Variants in ADAM8 observed in about 807,000 individuals in gnomAD.
The protein encoded by ADAM8 is disintegrin and metalloproteinase domain-containing protein 8.
ADAM8 carries 104 observed loss-of-function variants against 102.4 expected under a neutral mutation model. The ratio of observed to expected loss-of-function variants is 1.02; its 90% CI spans 0.87 to 1.20. ADAM8 has a LOEUF of 1.20. Ranked by LOEUF, ADAM8 falls within the 50% of genes most tolerant of loss-of-function variation. The pLI is 0.00. For missense variants in ADAM8, 1,132 were observed against 1,159.0 expected, an observed-to-expected ratio of 0.98 and a Z score of 0.34; for synonymous variants, 517 against 485.2, an observed-to-expected ratio of 1.07 and a Z score of -0.86.
intron 1 of ADAM8, chr10:133,275,909 C>A (rs1846733166): frequency 3.4e-6 from 1 of 295,852 alleles, no homozygotes; most frequent in Non-Finnish European, 6.3e-6. Flanking sequence ...CAAGGATGAA[C>A]CTTCCCCCCA....
chr10:133,272,195 G>A lies in ADAM8; in HGVS notation c.955C>T (p.Gln319Ter). 1 of 1,549,970 alleles carries A rather than the reference G, an allele frequency of 6.5e-7. No individual in the cohort carries two copies. The highest frequency in any genetic ancestry group is 8.7e-7 in the Non-Finnish European group (1 of 1,146,768). ...AACCCGGGCAGGAGCCCCCTCACCT[G>A]GTTCACAGCCCCTGAGCTGTGGGAG... The part of the protein sequence containing the change: ...MCSHSSGAVN[Q>*]DHSKNPVGVA... The change falls in exon 10 of 23, where the codon CAG (glutamine) becomes TAG (stop). Residue 319 changes from glutamine to a stop codon, truncating the protein, a stop_gained and splice_region_variant. Transcript: ENST00000445355. LOFTEE classifies it high-confidence loss of function.
chr10:133,267,334 C>G lies in ADAM8; in HGVS notation c.2319+18G>C. 3 of 1,602,354 alleles carry G rather than the reference C, an allele frequency of 1.9e-6. No homozygotes were observed. The highest frequency in any genetic ancestry group is 2.6e-6 in the Non-Finnish European group (3 of 1,175,856). Reference sequence around the variant, plus strand: ...GGACACCCTCAGAAGGCTTGGCCGCCCAATCACCACTGCTCACCTGCTTTG... The same window carrying G: ...GGACACCCTCAGAAGGCTTGGCCGCGCAATCACCACTGCTCACCTGCTTTG... On this transcript the variant is annotated intron_variant, in intron 21 of 22. Transcript: ENST00000445355.
chr10:133,272,531 T>C lies in ADAM8; in HGVS notation c.760A>G (p.Ser254Gly). The change falls in exon 9 of 23, where the codon AGT (serine) becomes GGT (glycine). Residue 254 changes from serine to glycine, a missense_variant. Transcript: ENST00000445355. ...VVLVGLEIWN[S>G]QDRFHVSPDP... is the part of the protein sequence containing the mutation. The stretch of plus-strand genomic sequence containing the variant: ...GGGCTGACGTGGAACCTGTCCTGAC[T>C]ATTCCAAATCTCCAGGCCCACCAGG... 1.2e-6 allele frequency: 2 copies of C among 1,612,156 alleles called. No homozygotes were observed. The highest frequency in any genetic ancestry group is 1.7e-6 in the Non-Finnish European group (2 of 1,179,798).
intron 2 of ADAM8, among the ~76,000 whole-genome samples, chr10:133,275,141 A>G (rs1385758243): frequency 6.6e-6 from 1 of 151,918 alleles, no homozygotes; most frequent in African/African-American, 2.4e-5. Flanking sequence ...CCCCCCCCCA[A>G]CACAGGAAGG....
At position 133,270,883 on chromosome 10, in the gene ADAM8, G is replaced by C; in HGVS notation, c.1562C>G (p.Pro521Arg). Residue 521 changes from proline to arginine, a missense_variant and splice_region_variant, in exon 14 of 23, where the codon CCA becomes CGA. Pro to Arg is a moderately radical substitution (Grantham distance 103). Coordinates refer to ENST00000445355, the MANE Select transcript of ADAM8 (RefSeq NM_001109.5). ...GGCCAGCTCTGTGCCCACTTCACCT[G>C]GCCCCCAGAAGGCCTGGCACTGCTG... ...LAQQCQAFWG[P>R]GGQAAEESCF... 1 of 1,610,544 alleles carries C rather than the reference G, an allele frequency of 6.2e-7. No homozygotes were observed. The highest frequency in any genetic ancestry group is 8.5e-7 in the Non-Finnish European group (1 of 1,178,260).
intron 6 of ADAM8, 84 bp from the exon 7 acceptor site, chr10:133,273,103 GC>G: frequency 1.2e-6 from 2 of 1,604,358 alleles, no homozygotes; most frequent in Non-Finnish European, 1.7e-6. Flanking sequence ...CCACTGTCCA[GC>G]CCCTGTCCAG....
Position 133,272,278 on chromosome 10 carries a change from G to T in ADAM8, c.876-4C>A. ...AGTCCCGGTGAAGTCGACACCCCTG[G>T]AAGTGGGAGTGACACAGATGCCCTG... On this transcript the variant is annotated splice_region_variant and splice_polypyrimidine_tract_variant and intron_variant, in intron 9 of 22. Transcript: ENST00000445355. 1 of 1,527,586 alleles carries T rather than the reference G, an allele frequency of 6.5e-7. No individual in the cohort carries two copies. Among genetic ancestry groups the T allele is most frequent in the Non-Finnish European group, 8.8e-7 (1 of 1,131,860 alleles). The allele number at this position is 1,527,586 out of a possible 1,614,324, so 94.6% of individuals were successfully genotyped here.
rs1352310151 is a variant in ADAM8 at position 133,269,985 on chromosome 10, G to T, written c.1786-11C>A. ...TCCTTTCCAGCAAACCTGGGGGTAG[G>T]AGGCGTCTCTCAGGCAGCCGCTCTG... On this transcript the variant is annotated splice_polypyrimidine_tract_variant and intron_variant, in intron 16 of 22. Transcript: ENST00000445355. 1 of 1,612,340 alleles carries T rather than the reference G, an allele frequency of 6.2e-7. No homozygotes were observed. The highest frequency in any genetic ancestry group is 8.5e-7 in the Non-Finnish European group (1 of 1,179,890).
At position 133,270,872 on chromosome 10, in the gene ADAM8, C is replaced by T. The variant is rs751407554; in HGVS notation, c.1564+9G>A. 6 of 1,610,186 alleles carry T rather than the reference C, an allele frequency of 3.7e-6. No individual in the cohort carries two copies. The highest frequency in any genetic ancestry group is 5.1e-6 in the Non-Finnish European group (6 of 1,178,110). ...CCACCCTGCCAGGCCAGCTCTGTGC[C>T]CACTTCACCTGGCCCCCAGAAGGCC... On this transcript the variant is annotated intron_variant, in intron 14 of 22. Transcript: ENST00000445355.
rs151131324 is a variant in ADAM8, at chr10:133,269,959, G to A, written c.1801C>T (p.Arg601Cys). 2.5e-4 allele frequency: 404 copies of A among 1,612,668 alleles called. No individual in the cohort carries two copies. The highest frequency in any genetic ancestry group is 2.9e-4 in the Non-Finnish European group (342 of 1,179,946). Residue 601 changes from arginine (R) to cysteine (C), a missense_variant, in exon 17 of 23, where the codon CGT (arginine) becomes TGT (cysteine). By Grantham distance (180) the Arg-to-Cys change is radical. Transcript: ENST00000445355. ...CTGTAAACGTGTAAGTCCTGGCAAC[G>A]TCCTTTCCAGCAAACCTGGGGGTAG... ...CGPEKVCWKG[R>C]CQDLHVYRSS...
intron 16 of ADAM8, among the ~76,000 whole-genome samples, 191 bp from the exon 17 acceptor site, chr10:133,270,165 C>T (rs2995312): frequency 0.89 from 135,282 of 152,284 alleles, 60,162 homozygotes; most frequent in East Asian, 0.94. Flanking sequence ...TGGCCGCCGG[C>T]GACGGCCATC....
Position 133,272,461 on chromosome 10 carries a change from C to G in ADAM8, c.830G>C (p.Arg277Pro). Reference protein sequence around the residue: ...TLENLLTWQARQRTRRHLHDN... With the variant: ...TLENLLTWQAPQRTRRHLHDN... ...ATGCAGGTGCCGCCGTGTCCGTTGC[C>G]GTGCCTGCCAGGTCAGGAGGTTCTC... The change falls in exon 9 of 23, where the codon CGG becomes CCG. Residue 277 changes from arginine (R) to proline (P), a missense_variant. Transcript: ENST00000445355. The G allele has an allele frequency of 6.2e-7, 1 of 1,611,452 alleles. No homozygotes were observed. The highest frequency in any genetic ancestry group is 1.1e-5 in the South Asian group (1 of 91,044).
rs765338398 is a variant in ADAM8 at position 133,275,581 on chromosome 10, G to A, written c.53C>T (p.Ala18Val). The change falls in exon 2 of 23, where the codon GCC becomes GTC. Residue 18 changes from alanine to valine, a missense_variant. Transcript: ENST00000445355. ...CATGAGGGCCCAGGGCCGGCTGGGGGCAATCGCTGCAGGAGGGAGGGTCAG... is the reference window on the plus strand; with the variant it reads ...CATGAGGGCCCAGGGCCGGCTGGGGACAATCGCTGCAGGAGGGAGGGTCAG... ...LLGAMMLPAI[A>V]PSRPWALMEQ... 19 of 1,488,406 alleles carry A rather than the reference G, an allele frequency of 1.3e-5. No individual in the cohort carries two copies. The highest frequency in any genetic ancestry group is 5.3e-5 in the Admixed American group (2 of 37,960). The allele number at this position is 1,488,406 out of a possible 1,614,324, so 92.2% of individuals were successfully genotyped here.
Position 133,272,983 on chromosome 10 carries a change from G to A in ADAM8, c.610C>T (p.Leu204=). The change falls in exon 7 of 23, where the codon CTG becomes TTG. Residue 204 remains leucine, a synonymous_variant. Coordinates refer to ENST00000445355, the MANE Select transcript of ADAM8 (RefSeq NM_001109.5). ...TCTGCATTGTCCACGACCACATACAGCTCCACGTAGCGGGTCTCTCGGGAT... is the reference window on the plus strand; with the variant it reads ...TCTGCATTGTCCACGACCACATACAACTCCACGTAGCGGGTCTCTCGGGAT... ...LPSRETRYVE[L]YVVVDNAEFQ... 6.2e-7 allele frequency: 1 copy of A among 1,612,884 alleles called. No individual in the cohort carries two copies. The highest frequency in any genetic ancestry group is 8.5e-7 in the Non-Finnish European group (1 of 1,179,902).
intron 21 of ADAM8, 82 bp downstream of exon 21, chr10:133,267,270 C>T (rs1049469578): frequency 1.9e-5 from 28 of 1,443,326 alleles, no homozygotes; most frequent in East Asian, 1.9e-4. Flanking sequence ...CCCTGGCCCC[C>T]GGTGCAGTGC....
At chr10:133,271,103 C>A (rs1846507847) in intron 13 of ADAM8, 33 bp from the exon 14 acceptor site, 3 of 1,596,994 alleles carry the variant, frequency 1.9e-6, no homozygotes, top group East Asian at 4.5e-5. Context: ...ACCATGGGGA[C>A]AGGTCCACGC....
At position 133,271,007 on chromosome 10, in the gene ADAM8, C is replaced by A; in HGVS notation, c.1438G>T (p.Asp480Tyr). The A allele has an allele frequency of 6.2e-7, 1 of 1,612,864 alleles. No individual in the cohort carries two copies. The highest frequency in any genetic ancestry group is 8.5e-7 in the Non-Finnish European group (1 of 1,179,970). The part of the protein sequence containing the change: ...KDMCDLEEFC[D>Y]GRHPECPEDA... ...TCCGGGCACTCAGGGTGCCGGCCGTCACAGAACTCCTCGAGGTCACACATG... is the reference window on the plus strand; with the variant it reads ...TCCGGGCACTCAGGGTGCCGGCCGTAACAGAACTCCTCGAGGTCACACATG... Residue 480 changes from aspartate to tyrosine, a missense_variant, in exon 14 of 23, where the codon GAC becomes TAC. By Grantham distance (160) the Asp-to-Tyr change is radical (BLOSUM62 -3). Transcript: ENST00000445355.
chr10:133,267,878 G>T, intron 20 of ADAM8, 51 bp downstream of exon 20: 1 of 1,251,824 alleles, frequency 8.0e-7, no homozygotes, highest in Non-Finnish European at 1.0e-6. Flanking sequence ...TCGCAGGATG[G>T]GGCCTGGGCA....
At chr10:133,270,293 T>A in intron 16 of ADAM8, 67 bp downstream of exon 16, 1 of 1,532,146 alleles carries the variant, frequency 6.5e-7, no homozygotes, top group Non-Finnish European at 8.8e-7. Context: ...GAAACGCATC[T>A]GCACCCACGT....
Sources: allele counts gnomAD v4.1 joint callset (sites outside exome capture counted in the v4.1 genomes callset), GRCh38; gene constraint gnomAD v4.1.1; transcripts MANE v1.5; gene names NCBI Gene and HGNC (gene_info 2026-07-23, HGNC 2026-07-21).